The following DBN1 variants were observed in gnomAD, a reference collection of about 807,000 sequenced individuals.
DBN1 encodes the protein drebrin 1.
DBN1 carries 21 observed loss-of-function variants against 83.5 expected under a neutral mutation model. That is an observed-to-expected ratio of 0.25 (90% CI 0.18 to 0.36). The LOEUF (loss-of-function observed/expected upper bound fraction) is 0.36. DBN1 is among the 10% of genes least tolerant of loss of function. The pLI is 1.00. For missense variants in DBN1, 874 were observed against 935.7 expected, an observed-to-expected ratio of 0.93 and a Z score of 0.86; for synonymous variants, 381 against 384.9, an observed-to-expected ratio of 0.99 and a Z score of 0.12.
At position 177,467,988 on chromosome 5, in the gene DBN1, CCG is replaced by C; in HGVS notation, c.255+118_255+119del. On this transcript the variant is annotated intron_variant, in intron 3 of 14. Coordinates refer to ENST00000393565, the MANE Select transcript of DBN1 (RefSeq NM_001363541.2). This position sits in a 1 kb window ranked among gnomAD's most constrained non-coding sequence, Gnocchi z 9.1. ...CTTCAGTTCCCTTCCCCAGCCCCGG[CCG>C]CATACCCAGTTGATGAGCAGCTCTG... 5.6e-5 allele frequency: 60 copies of C among 1,074,108 alleles called. No individual in the cohort carries two copies. Among genetic ancestry groups the C allele is most frequent in the South Asian group, 1.5e-4 (11 of 74,022 alleles). The allele number at this position is 1,074,108 out of a possible 1,614,324, so 66.5% of individuals were successfully genotyped here.
chr5:177,467,567 G>A lies in DBN1; in HGVS notation c.391C>T (p.Gln131Ter). Residue 131 changes from glutamine to a stop codon, truncating the protein, a stop_gained, in exon 5 of 15, where the codon CAG becomes TAG. Transcript: ENST00000393565. LOFTEE classifies it high-confidence loss of function. This position sits in a 1 kb window ranked among gnomAD's most constrained non-coding sequence, Gnocchi z 9.1. ...CGCGCCAGCCCGTTAGAGAGCCGCTGCCCGATGGCACCCGCGTCTATGTCT... is the reference window on the plus strand; with the variant it reads ...CGCGCCAGCCCGTTAGAGAGCCGCTACCCGATGGCACCCGCGTCTATGTCT... ...VEDIDAGAIGQRLSNGLARLS... is the reference protein window; with the variant it reads ...VEDIDAGAIG 6.4e-7 allele frequency: 1 copy of A among 1,565,984 alleles called. No individual in the cohort carries two copies. The highest frequency in any genetic ancestry group is 8.7e-7 in the Non-Finnish European group (1 of 1,155,368).
intron 1 of DBN1, chr5:177,472,291 C>A (rs568537272): frequency 1.9e-6 from 3 of 1,587,848 alleles, no homozygotes; most frequent in African/African-American, 2.7e-5. Flanking sequence ...CCAGCCCAAG[C>A]GGGGTCCCTC....
chr5:177,456,689 A>C lies in DBN1; in HGVS notation c.*744T>G, dbSNP rs1386076546. Reference sequence around the variant, plus strand: ...TGTGCTTTCCAAAAAAAAAAAAAAAAAAAAAAAAAAAACAGTTACTAAACG... The same window carrying C: ...TGTGCTTTCCAAAAAAAAAAAAAAACAAAAAAAAAAAACAGTTACTAAACG... On this transcript the variant is annotated 3_prime_UTR_variant, in exon 15 of 15. Transcript: ENST00000393565. 8.6e-5 allele frequency: 13 copies of C among 151,628 alleles called. No individual in the cohort carries two copies. The highest frequency in any genetic ancestry group is 2.9e-4 in the African/African-American group (12 of 41,234). The allele number at this position is 151,628 out of a possible 1,614,324, so 9.4% of individuals were successfully genotyped here. A position where few individuals can be genotyped will look rare whatever the true frequency, so the allele number is the denominator to read the frequency against.
intron 13 of DBN1, 78 bp from the exon 14 acceptor site, chr5:177,457,835 C>T: frequency 8.7e-7 from 1 of 1,148,258 alleles, no homozygotes; most frequent in Non-Finnish European, 1.3e-6. Flanking sequence ...GCCCGTTTCC[C>T]CAGCAACCAA....
intron 8 of DBN1, among the ~76,000 whole-genome samples, chr5:177,460,991 C>T (rs1363261641): frequency 6.6e-6 from 1 of 151,910 alleles, no homozygotes; most frequent in Non-Finnish European, 1.5e-5. Context: ...GTTGCCCAGG[C>T]TGGTCTCAAA....
chr5:177,473,321 C>T, intron 1 of DBN1, 115 bp downstream of exon 1: 2 of 557,428 alleles, frequency 3.6e-6, no homozygotes, highest in African/African-American at 2.0e-5. Flanking sequence ...CGGCCCGCTG[C>T]ACCATTTCGG....
Position 177,467,164 on chromosome 5 carries a change from C to T in DBN1, c.555+91G>A. On this transcript the variant is annotated intron_variant, in intron 6 of 14. Transcript: ENST00000393565. The surrounding 1 kb of genome is among the most constrained non-coding windows in gnomAD (Gnocchi z 9.1). The stretch of plus-strand genomic sequence containing the variant: ...CCAGCGCTGGGGGCGGGGCACGTGG[C>T]ATGGGCCATGCCACTGCAGTGAGGG... 1.2e-6 allele frequency: 2 copies of T among 1,606,064 alleles called. No individual in the cohort carries two copies. The highest frequency in any genetic ancestry group is 1.1e-5 in the South Asian group (1 of 90,820).
intron 2 of DBN1, chr5:177,468,465 T>C (rs1393768108): frequency 3.5e-6 from 2 of 564,646 alleles, no homozygotes; most frequent in African/African-American, 1.9e-5. Flanking sequence ...GTGTTTGTTC[T>C]TCACACTCAG....
rs966025859 is a variant in DBN1, at chr5:177,462,529, C to CA, written c.772-1827_772-1826insT. 2.7e-4 allele frequency: 119 copies of CA among 436,104 alleles called. 1 individual carries two copies. Among genetic ancestry groups the CA allele is most frequent in the Non-Finnish European group, 3.5e-4 (116 of 327,638 alleles). The allele number at this position is 436,104 out of a possible 1,614,324, so 27.0% of individuals were successfully genotyped here. A position where few individuals can be genotyped will look rare whatever the true frequency, so the allele number is the denominator to read the frequency against. On this transcript the variant is annotated intron_variant, in intron 8 of 14. Transcript: ENST00000393565. ...TTCCTGTTTCCGGAGGCACCTCCCC[C>CA]CTCCGCTGTGAGCAACGCAGGATGA...
In DBN1 at chr5:177,457,740, G is replaced by T. The variant is rs892485126; in HGVS notation, c.1932C>A (p.Phe644Leu). The change falls in exon 14 of 15, where the codon TTC becomes TTA. Residue 644 changes from phenylalanine to leucine, a missense_variant. By Grantham distance (22) the Phe-to-Leu change is conservative (BLOSUM62 0). This residue lies in a region of DBN1 where 725 missense variants were observed against 719.7 expected (regional missense o/e 1.01). Coordinates refer to ENST00000393565, the MANE Select transcript of DBN1 (RefSeq NM_001363541.2). The part of the protein sequence containing the change: ...KEGTQASEGY[F>L]SQSQEEEFAQ... ...CAAACTCCTCCTCCTGTGATTGACT[G>T]AAGTACCCCTCACTGGCCTGCAGGG... 6.2e-7 allele frequency: 1 copy of T among 1,610,300 alleles called. No individual in the cohort carries two copies. Among genetic ancestry groups the T allele is most frequent in the Non-Finnish European group, 8.5e-7 (1 of 1,176,660 alleles).
chr5:177,469,316 C>T (rs1757685528), intron 1 of DBN1, among the ~76,000 whole-genome samples: 1 of 152,056 alleles, frequency 6.6e-6, no homozygotes, highest in African/African-American at 2.4e-5. Context: ...CCCGCTGCCC[C>T]TCCCCCGGGG....
chr5:177,458,509 T>C lies in DBN1; in HGVS notation c.1463A>G (p.Asp488Gly). 3.1e-6 allele frequency: 5 copies of C among 1,613,748 alleles called. No homozygotes were observed. Among genetic ancestry groups the C allele is most frequent in the African/African-American group, 2.7e-5 (2 of 75,020 alleles). Reference protein sequence around the residue: ...LAAPVEPATADATEIHDAADT... With the variant: ...LAAPVEPATAGATEIHDAADT... ...AGCTGCATCGTGGATCTCCGTGGCGTCAGCTGTGGCAGGCTCCACGGGAGC... is the reference window on the plus strand; with the variant it reads ...AGCTGCATCGTGGATCTCCGTGGCGCCAGCTGTGGCAGGCTCCACGGGAGC... Residue 488 changes from aspartate to glycine, a missense_variant, in exon 13 of 15, where the codon GAC (aspartate) becomes GGC (glycine). By Grantham distance (94) the Asp-to-Gly change is moderately conservative. This residue lies in a region of DBN1 where 725 missense variants were observed against 719.7 expected (regional missense o/e 1.01). Transcript: ENST00000393565.
Position 177,458,176 on chromosome 5 carries a change from G to A in DBN1, c.1796C>T (p.Ser599Phe), listed in dbSNP as rs1283359395. ...AGTTGGGGTCTGGGGGGCAGCCAGG[G>A]ACTCCCCTTCCACTTCCTCTGGGTC... ...FCDPEEVEGE[S>F]LAAPQTPTLP... The change falls in exon 13 of 15, where the codon TCC becomes TTC. Residue 599 changes from serine (S) to phenylalanine (F), a missense_variant. Ser to Phe is a radical substitution (Grantham distance 155). This residue lies in a region of DBN1 where 725 missense variants were observed against 719.7 expected (regional missense o/e 1.01). Coordinates refer to ENST00000393565, the MANE Select transcript of DBN1 (RefSeq NM_001363541.2). 5.0e-6 allele frequency: 8 copies of A among 1,612,814 alleles called. No homozygotes were observed. The South Asian group carries it at 7.7e-5, about 15-fold the overall frequency.
intron 1 of DBN1, 65 bp downstream of exon 1, chr5:177,473,371 A>G (rs1581742272): frequency 1.1e-6 from 1 of 917,458 alleles, no homozygotes. Flanking sequence ...GCGGGGCGGG[A>G]GAGAAACAAA....
At chr5:177,457,907 G>C (rs780608386) in intron 13 of DBN1, 150 bp from the exon 14 acceptor site, 26 of 1,173,588 alleles carry the variant, frequency 2.2e-5, no homozygotes, top group African/African-American at 1.8e-4. Context: ...AAGCAGAGCC[G>C]GCCCAGGGAG....
In DBN1 at chr5:177,460,702, C is replaced by A. The variant is rs774759884; in HGVS notation, c.773G>T (p.Gly258Val). 2.5e-6 allele frequency: 4 copies of A among 1,613,808 alleles called. No homozygotes were observed. The highest frequency in any genetic ancestry group is 2.2e-5 in the South Asian group (2 of 91,080). The change falls in exon 9 of 15, where the codon GGT becomes GTT. Residue 258 changes from glycine to valine, a missense_variant and splice_region_variant. Around this residue, in one of 4 missense-constraint regions of DBN1, gnomAD observed 725 missense variants for 719.7 expected, o/e 1.01. Transcript: ENST00000393565. ...CTCTTCCTCCTCATCCCGATGGTCACCCTAGAAACCAAAGGGACAGTGTCT... is the reference window on the plus strand; with the variant it reads ...CTCTTCCTCCTCATCCCGATGGTCAACCTAGAAACCAAAGGGACAGTGTCT... ...KRRLKEQSIFGDHRDEEEETH... is the reference protein window; with the variant it reads ...KRRLKEQSIFVDHRDEEEETH...
intron 11 of DBN1, 126 bp downstream of exon 11, chr5:177,459,477 A>T (rs887253457): frequency 7.6e-7 from 1 of 1,320,674 alleles, no homozygotes; most frequent in African/African-American, 1.6e-5. Flanking sequence ...GGCAAGAGGC[A>T]GGCAGTGCCT....
Position 177,473,614 on chromosome 5 carries a change from T to G in DBN1, c.-93A>C. 3 of 465,022 alleles carry G rather than the reference T, an allele frequency of 6.5e-6. No individual in the cohort carries two copies. Among genetic ancestry groups the G allele is most frequent in the Non-Finnish European group, 8.5e-6 (3 of 354,166 alleles). The allele number at this position is 465,022 out of a possible 1,614,324, so 28.8% of individuals were successfully genotyped here. On this transcript the variant is annotated 5_prime_UTR_variant, in exon 1 of 15. Transcript: ENST00000393565. ...GAAAGAGGGAGTCGCCGCCGCCGCCTCGGAGCCTCTGCAGCGTCGCGAGCC... is the reference window on the plus strand; with the variant it reads ...GAAAGAGGGAGTCGCCGCCGCCGCCGCGGAGCCTCTGCAGCGTCGCGAGCC...
chr5:177,467,564 G>T lies in DBN1; in HGVS notation c.394C>A (p.Arg132=). The T allele has an allele frequency of 6.4e-7, 1 of 1,564,988 alleles. No homozygotes were observed. Among genetic ancestry groups the T allele is most frequent in the Non-Finnish European group, 8.7e-7 (1 of 1,154,842 alleles). ...EDIDAGAIGQ[R]LSNGLARLSS... is the part of the protein sequence containing the mutation. ...AGTCGCGCCAGCCCGTTAGAGAGCC[G>T]CTGCCCGATGGCACCCGCGTCTATG... The change falls in exon 5 of 15, where the codon CGG becomes AGG. Residue 132 remains arginine (R), a synonymous_variant. Coordinates refer to ENST00000393565, the MANE Select transcript of DBN1 (RefSeq NM_001363541.2). This position sits in a 1 kb window ranked among gnomAD's most constrained non-coding sequence, Gnocchi z 9.1.
Sources: gnomAD v4.1 joint callset for allele counts (sites outside exome capture counted in the v4.1 genomes callset) on GRCh38, gnomAD v4.1.1 for gene constraint, gnomAD v4.1.1 regional missense constraint, Gnocchi (gnomAD v3.1) non-coding constraint, MANE v1.5 for transcripts, NCBI Gene and HGNC (gene_info 2026-07-23, HGNC 2026-07-21) for gene names.